Variants in ROBO1 observed in about 807,000 individuals in gnomAD.
ROBO1 encodes roundabout guidance receptor 1.
A neutral mutation model predicts 195.9 loss-of-function variants in ROBO1; 149 were observed. The observed-to-expected ratio is 0.76, with a 90% CI of 0.67 to 0.87. The LOEUF is 0.87. Among genes scored for constraint, ROBO1 ranks in the 40% least tolerant of loss-of-function variants. The probability of loss-of-function intolerance (pLI) is 0.00; values close to 1 mark genes in which losing one functional copy is unlikely to be tolerated. For missense variants in ROBO1, 1,933 were observed against 2,068.3 expected (o/e 0.93, Z 1.27); for synonymous variants, 816 against 733.2 (o/e 1.11, Z -1.82).
intron 3 of ROBO1, among the ~76,000 whole-genome samples, chr3:78,941,328 G>A (rs1267144141): frequency 2.0e-5 from 3 of 152,276 alleles, no homozygotes; most frequent in Non-Finnish European, 2.9e-5. Flanking sequence ...CTAAGGCTAT[G>A]TTGAAGCCAA....
At chr3:78,641,528 AAC>A (rs1364931599) in intron 21 of ROBO1, among the ~76,000 whole-genome samples, 1 of 152,216 alleles carries the variant, frequency 6.6e-6, no homozygotes, top group African/African-American at 2.4e-5. Context: ...TGCAAATTAT[AAC>A]ACAGATATCT....
At chr3:79,525,839 T>A (rs1941411831) in intron 2 of ROBO1, among the ~76,000 whole-genome samples, 1 of 151,892 alleles carries the variant, frequency 6.6e-6, no homozygotes, top group African/African-American at 2.4e-5. Flanking sequence ...GAACTCCTGA[T>A]CTCCTCGTGT....
At chr3:78,615,714 C>A (rs1337566374) in intron 27 of ROBO1, among the ~76,000 whole-genome samples, 1 of 152,162 alleles carries the variant, frequency 6.6e-6, no homozygotes. Context: ...TTCAAATGGA[C>A]CGCGACAACA....
intron 1 of ROBO1, among the ~76,000 whole-genome samples, chr3:79,727,379 T>G (rs1702967658): frequency 6.6e-6 from 1 of 152,112 alleles, no homozygotes; most frequent in Non-Finnish European, 1.5e-5. Context: ...AAGGTGACAA[T>G]AGAGGTGATA....
intron 2 of ROBO1, among the ~76,000 whole-genome samples, chr3:79,202,074 C>T (rs1191097457): frequency 6.6e-6 from 1 of 151,900 alleles, no homozygotes; most frequent in Non-Finnish European, 1.5e-5. Context: ...ATCCATGATC[C>T]TTCAAGTCTG....
chr3:79,586,598 T>C (rs1334007210), intron 2 of ROBO1, among the ~76,000 whole-genome samples: 1 of 151,966 alleles, frequency 6.6e-6, no homozygotes, highest in Non-Finnish European at 1.5e-5. Flanking sequence ...TGGGTTTTTC[T>C]TCATGTATTT....
intron 1 of ROBO1, among the ~76,000 whole-genome samples, chr3:79,697,816 G>T (rs1947491837): frequency 6.6e-6 from 1 of 151,274 alleles, no homozygotes; most frequent in Non-Finnish European, 1.5e-5. Flanking sequence ...ATAAACCTGG[G>T]AAATAATTCT....
In ROBO1 at chr3:78,717,288, G is replaced by A; in HGVS notation, c.904C>T (p.Leu302=). The change falls in exon 7 of 31, where the codon CTG becomes TTG. Residue 302 remains leucine (L), a synonymous_variant. Coordinates refer to ENST00000464233, the MANE Select transcript of ROBO1 (RefSeq NM_002941.4). ...TCTGATGTGTACCTGGATTTGGGCA[G>A]CTCTCCATCATCTTTCCTCCATCGT... The part of the protein sequence containing the change: ...TVRWRKDDGE[L]PKSRYEIRDD... 2 of 1,575,736 alleles carry A rather than the reference G, an allele frequency of 1.3e-6. No individual in the cohort carries two copies. Among genetic ancestry groups the A allele is most frequent in the Non-Finnish European group, 1.7e-6 (2 of 1,165,098 alleles).
chr3:79,698,932 T>C (rs568327491), intron 1 of ROBO1, among the ~76,000 whole-genome samples: 77 of 151,514 alleles, frequency 5.1e-4, no homozygotes, highest in African/African-American at 1.7e-3. Context: ...CTCTAAACAC[T>C]TGCCATATTT....
At chr3:79,222,615 A>G (rs1055809447) in intron 2 of ROBO1, among the ~76,000 whole-genome samples, 1 of 151,720 alleles carries the variant, frequency 6.6e-6, no homozygotes, top group South Asian at 2.1e-4. Context: ...GTGGATTGTA[A>G]AAGATCTTTA....
intron 4 of ROBO1, among the ~76,000 whole-genome samples, chr3:78,878,350 CT>C (rs542208894): frequency 2.4e-4 from 36 of 152,186 alleles, no homozygotes; most frequent in Admixed American, 5.2e-4. Flanking sequence ...CTTTAGGAGG[CT>C]GAGACGGGTG....
intron 3 of ROBO1, among the ~76,000 whole-genome samples, chr3:79,074,583 C>CATTATTATTATT (rs1228969024): frequency 1.3e-5 from 2 of 149,902 alleles, no homozygotes; most frequent in African/African-American, 4.9e-5. Context: ...ATGTTCAGCT[C>CATTATTATTATT]ATTATTATTA....
At chr3:78,733,302 A>C (rs905162754) in intron 5 of ROBO1, among the ~76,000 whole-genome samples, 6 of 152,152 alleles carry the variant, frequency 3.9e-5, no homozygotes, top group African/African-American at 1.4e-4. Context: ...AGCCTTAAGA[A>C]AATTTCTTTG....
rs114044130 is a variant in ROBO1 at position 79,315,208 on chromosome 3, G to A, written c.89-189669C>T. Among the ~76,000 whole-genome samples the A allele has an allele frequency of 2.8e-3, 430 of 152,260 alleles. 1 individual carries two copies. Among genetic ancestry groups the A allele is most frequent in the Non-Finnish European group, 4.7e-3 (321 of 67,998 alleles). ...TGTAATCCCAGAACTTTAGGAGGCT[G>A]AGGTGGGAGGATCCCTTGAGGCCAG... On this transcript the variant is annotated intron_variant, in intron 2 of 30. Coordinates refer to ENST00000464233, the MANE Select transcript of ROBO1 (RefSeq NM_002941.4).
chr3:79,419,113 C>A (rs2038119461), intron 2 of ROBO1, among the ~76,000 whole-genome samples: 3 of 152,018 alleles, frequency 2.0e-5, no homozygotes, highest in Admixed American at 2.0e-4. Flanking sequence ...TTACATATTG[C>A]AGGATAGTGA....
chr3:79,499,055 C>T (rs1028503587), intron 2 of ROBO1, among the ~76,000 whole-genome samples: 11 of 152,042 alleles, frequency 7.2e-5, no homozygotes, highest in Admixed American at 1.3e-4. Context: ...AGTGCAATGG[C>T]GAAATCTCAG....
chr3:79,588,873 A>G (rs1943910160), intron 2 of ROBO1, among the ~76,000 whole-genome samples: 1 of 151,708 alleles, frequency 6.6e-6, no homozygotes, highest in Non-Finnish European at 1.5e-5. Flanking sequence ...CAACTCCCTT[A>G]TCTTCTAGGT....
chr3:78,804,430 T>C (rs1011411622), intron 4 of ROBO1, among the ~76,000 whole-genome samples: 1 of 152,124 alleles, frequency 6.6e-6, no homozygotes, highest in Non-Finnish European at 1.5e-5. Flanking sequence ...CTTCTGTGTA[T>C]ACAACATAAT....
chr3:79,746,230 G>A (rs1703870995), intron 1 of ROBO1, among the ~76,000 whole-genome samples: 1 of 152,014 alleles, frequency 6.6e-6, no homozygotes. Context: ...TACCATAGAT[G>A]TGATTAACAT....
Sources: gnomAD v4.1 joint callset for allele counts (sites outside exome capture counted in the v4.1 genomes callset) on GRCh38, gnomAD v4.1.1 for gene constraint, MANE v1.5 for transcripts, NCBI Gene and HGNC (gene_info 2026-07-23, HGNC 2026-07-21) for gene names.